The following HSPBAP1 variants were observed in gnomAD, a reference collection of about 807,000 sequenced individuals.
The protein encoded by HSPBAP1 is HSPB1 associated protein 1, also known as HSPB1-associated protein 1.
Under a neutral mutation model 45.2 loss-of-function variants are expected in HSPBAP1, and 27 were observed. That is an observed-to-expected ratio of 0.60 (90% confidence interval 0.44 to 0.82). The LOEUF (loss-of-function observed/expected upper bound fraction) is 0.82. Among genes scored for constraint, HSPBAP1 ranks in the 40% least tolerant of loss-of-function variants. HSPBAP1 has a pLI of 0.00. For missense variants in HSPBAP1, 510 were observed against 590.9 expected, an observed-to-expected ratio of 0.86 and a Z score of 1.42; for synonymous variants, 204 against 202.7, an observed-to-expected ratio of 1.01 and a Z score of -0.06.
chr3:122,780,635 G>A (rs1183080721), intron 1 of HSPBAP1, among the ~76,000 whole-genome samples: 14 of 147,506 alleles, frequency 9.5e-5, no homozygotes, highest in African/African-American at 2.3e-4. Flanking sequence ...CGGACAGGGC[G>A]GCTGGCCAGG....
chr3:122,789,660 G>C (rs1393481599), intron 1 of HSPBAP1, among the ~76,000 whole-genome samples: 4 of 152,122 alleles, frequency 2.6e-5, no homozygotes, highest in Non-Finnish European at 4.4e-5. Context: ...AAGAATACCT[G>C]ATTTTTAGCA....
rs1475500482 is a variant in HSPBAP1, at chr3:122,777,860, G to C, written c.111C>G (p.Ile37Met). Reference protein sequence around the residue: ...PFKPEKAKEIIMSLQQPAIFC... With the variant: ...PFKPEKAKEIMMSLQQPAIFC... ...AGATTGCAGGTTGTTGTAAAGACATGATAATTTCTTTTGCTTTCTCTGGCT... is the reference window on the plus strand; with the variant it reads ...AGATTGCAGGTTGTTGTAAAGACATCATAATTTCTTTTGCTTTCTCTGGCT... Residue 37 changes from isoleucine (I) to methionine (M), a missense_variant, in exon 2 of 8, where the codon ATC (isoleucine) becomes ATG (methionine). Transcript: ENST00000306103. 9.9e-6 allele frequency: 16 copies of C among 1,613,230 alleles called. No individual in the cohort carries two copies. The highest frequency in any genetic ancestry group is 1.2e-5 in the Non-Finnish European group (14 of 1,179,472).
chr3:122,776,392 A>G (rs943666950), intron 2 of HSPBAP1, among the ~76,000 whole-genome samples: 5 of 152,226 alleles, frequency 3.3e-5, no homozygotes, highest in African/African-American at 1.2e-4. Context: ...TGAAAATGTC[A>G]AATTACTGTG....
intron 3 of HSPBAP1, among the ~76,000 whole-genome samples, chr3:122,759,955 A>G (rs1293897151): frequency 6.6e-6 from 1 of 152,248 alleles, no homozygotes; most frequent in Non-Finnish European, 1.5e-5. Context: ...CTGGAGCCTT[A>G]GCTCATACCT....
At chr3:122,784,845 A>G (rs1935601312) in intron 1 of HSPBAP1, among the ~76,000 whole-genome samples, 1 of 152,242 alleles carries the variant, frequency 6.6e-6, no homozygotes, top group African/African-American at 2.4e-5. Flanking sequence ...CAGGCATCAT[A>G]ACAATACCAT....
chr3:122,753,645 T>C (rs953071061), intron 5 of HSPBAP1: 1 of 984,582 alleles, frequency 1.0e-6, no homozygotes, highest in African/African-American at 1.7e-5. Flanking sequence ...TGTGAAGCTT[T>C]TGGGCTTCAC....
At chr3:122,778,642 G>A (rs1935281647) in intron 1 of HSPBAP1, among the ~76,000 whole-genome samples, 1 of 151,438 alleles carries the variant, frequency 6.6e-6, no homozygotes, top group Admixed American at 6.6e-5. Flanking sequence ...CCGTTCTCCT[G>A]CCTCAGCCTC....
At position 122,793,779 on chromosome 3, in the gene HSPBAP1, G is replaced by A. The variant is rs1935916777; in HGVS notation, c.-99C>T. 1 of 1,154,528 alleles carries A rather than the reference G, an allele frequency of 8.7e-7. No individual in the cohort carries two copies. Among genetic ancestry groups the A allele is most frequent in the South Asian group, 1.3e-5 (1 of 77,148 alleles). 71.5% of individuals were successfully genotyped at this position (1,154,528 alleles called of 1,614,324 possible). On this transcript the variant is annotated 5_prime_UTR_variant, in exon 1 of 8. Transcript: ENST00000306103. ...CTCCGAGACCCGAAGCTGCACCACA[G>A]GAAGGAGCCCCGGCGACTCCCGCCC... is the stretch of plus-strand genomic sequence containing the variant.
intron 1 of HSPBAP1, among the ~76,000 whole-genome samples, chr3:122,779,019 G>T (rs368756058): frequency 2.7e-5 from 4 of 150,898 alleles, no homozygotes; most frequent in South Asian, 2.1e-4. Context: ...TAATGTGATA[G>T]ATTTCATTTT....
At chr3:122,748,159 T>C (rs1933983382) in intron 6 of HSPBAP1, among the ~76,000 whole-genome samples, 1 of 152,196 alleles carries the variant, frequency 6.6e-6, no homozygotes, top group African/African-American at 2.4e-5. Context: ...AAGATGTGCT[T>C]TGTTAAACAG....
intron 6 of HSPBAP1, among the ~76,000 whole-genome samples, chr3:122,751,065 A>C (rs75188293): frequency 5.9e-5 from 9 of 152,204 alleles, no homozygotes; most frequent in African/African-American, 9.6e-5. Flanking sequence ...GAGATTACTT[A>C]AAAAACTAAC....
intron 1 of HSPBAP1, among the ~76,000 whole-genome samples, chr3:122,788,652 T>C (rs1002847563): frequency 1.3e-5 from 2 of 152,194 alleles, no homozygotes; most frequent in African/African-American, 4.8e-5. Context: ...ACAACATGGA[T>C]GAACCTTGAA....
At position 122,776,356 on chromosome 3, in the gene HSPBAP1, CT is replaced by C. The variant is rs888992759; in HGVS notation, c.250+1364del. 2.6e-5 allele frequency among the ~76,000 whole-genome samples: 4 copies of C among 151,934 alleles called. No homozygotes were observed. In the East Asian group the frequency reaches 5.8e-4, roughly 22 times the overall value. ...CTCACAACCTCAGAGAGTTATTTTCCTTTTTTTTGTGCTTAAGTATTAACTT... is the reference window on the plus strand; with the variant it reads ...CTCACAACCTCAGAGAGTTATTTTCCTTTTTTTGTGCTTAAGTATTAACTT... On this transcript the variant is annotated intron_variant, in intron 2 of 7. Coordinates refer to ENST00000306103, the MANE Select transcript of HSPBAP1 (RefSeq NM_024610.6).
chr3:122,793,689 C>T lies in HSPBAP1; in HGVS notation c.-9G>A. ...TCGGAGCCTGCTGCCATGGCTACCG[C>T]AAGGCGGGTTCTGCCGGAACCCAAG... On this transcript the variant is annotated 5_prime_UTR_variant, in exon 1 of 8. Coordinates refer to ENST00000306103, the MANE Select transcript of HSPBAP1 (RefSeq NM_024610.6). The T allele has an allele frequency of 6.2e-7, 1 of 1,613,694 alleles. No homozygotes were observed. The highest frequency in any genetic ancestry group is 8.5e-7 in the Non-Finnish European group (1 of 1,179,928).
intron 1 of HSPBAP1, among the ~76,000 whole-genome samples, chr3:122,789,299 A>C (rs1241915969): frequency 2.0e-5 from 3 of 152,230 alleles, no homozygotes; most frequent in African/African-American, 7.2e-5. Flanking sequence ...CCTCTTTATC[A>C]AGGAATAATC....
intron 4 of HSPBAP1, chr3:122,758,989 A>G (rs1293491807): frequency 1.5e-5 from 8 of 540,082 alleles, no homozygotes; most frequent in Non-Finnish European, 2.3e-5. Context: ...TCTGAAGACA[A>G]TCCTGATCAT....
At chr3:122,775,876 T>A (rs567587106) in intron 2 of HSPBAP1, among the ~76,000 whole-genome samples, 4 of 152,268 alleles carry the variant, frequency 2.6e-5, no homozygotes, top group African/African-American at 9.6e-5. Context: ...CAAACGTCCA[T>A]CAACTGAATA....
chr3:122,754,485 G>A, intron 5 of HSPBAP1: 1 of 946,756 alleles, frequency 1.1e-6, no homozygotes, highest in Non-Finnish European at 1.3e-6. Flanking sequence ...GGGGAGAGGG[G>A]AATGCAGAGT....
At chr3:122,771,687 A>G (rs1935006153) in intron 2 of HSPBAP1, among the ~76,000 whole-genome samples, 1 of 151,162 alleles carries the variant, frequency 6.6e-6, no homozygotes, top group Non-Finnish European at 1.5e-5. Flanking sequence ...CAACTGAGAT[A>G]CAACACTGCC....
Sources: gnomAD v4.1 joint callset for allele counts (sites outside exome capture counted in the v4.1 genomes callset) on GRCh38, gnomAD v4.1.1 for gene constraint, MANE v1.5 for transcripts, NCBI Gene and HGNC (gene_info 2026-07-23, HGNC 2026-07-21) for gene names.